Variants in NKIRAS1 observed in about 807,000 individuals in gnomAD.
NKIRAS1 encodes the protein NF-kappa-B inhibitor-interacting Ras-like protein 1.
A neutral mutation model predicts 19.8 loss-of-function variants in NKIRAS1; 16 were observed. The observed-to-expected ratio is 0.81, with a 90% CI of 0.55 to 1.23. The LOEUF (loss-of-function observed/expected upper bound fraction) is 1.23, where lower values mean the gene tolerates loss of function less well. NKIRAS1 is among the 50% of genes most tolerant of loss of function. The pLI is 0.00. For missense variants in NKIRAS1, 184 were observed against 220.0 expected (o/e 0.84, Z 1.04); for synonymous variants, 88 against 79.0 (o/e 1.11, Z -0.61).
upstream of NKIRAS1, chr3:23,917,656 G>A: frequency 1.7e-6 from 1 of 575,048 alleles, no homozygotes; most frequent in Non-Finnish European, 3.1e-6. Context: ...TCTGTGCTGG[G>A]GTTGCGGAAG....
chr3:23,938,683 T>C (rs904584157), intron 1 of NKIRAS1, among the ~76,000 whole-genome samples: 5 of 152,218 alleles, frequency 3.3e-5, no homozygotes, highest in Admixed American at 3.3e-4. Context: ...ATAAGGTCCA[T>C]GTCCCCTACC....
chr3:23,921,509 T>C, upstream of NKIRAS1: 1 of 672,760 alleles, frequency 1.5e-6, no homozygotes, highest in Non-Finnish European at 2.7e-6. Flanking sequence ...CACAAGCTGT[T>C]CCCATTTGCT....
upstream of NKIRAS1, chr3:23,919,729 T>C (rs188707069): frequency 7.4e-7 from 1 of 1,348,308 alleles, no homozygotes; most frequent in African/African-American, 1.5e-5. Context: ...GGGAGTTGTA[T>C]GTCAGTGTAT....
upstream of NKIRAS1, chr3:23,918,611 T>C (rs957483447): frequency 7.5e-6 from 12 of 1,600,640 alleles, no homozygotes; most frequent in South Asian, 1.1e-5. Context: ...TATTGAATAC[T>C]GCCTGGGGAT....
At chr3:23,919,972 C>T (rs1704981222), upstream of NKIRAS1, 4 of 988,068 alleles carry the variant, frequency 4.0e-6, no homozygotes, top group African/African-American at 1.7e-5. Context: ...TTGCCTCAGC[C>T]TCCACAGTAC....
chr3:23,907,073 T>C (rs1703136245), intron 3 of NKIRAS1, among the ~76,000 whole-genome samples: 1 of 152,054 alleles, frequency 6.6e-6, no homozygotes, highest in Non-Finnish European at 1.5e-5. Context: ...TTTATATTTT[T>C]AGTAGAGATG....
chr3:23,928,550 T>C (rs1421892658), intron 1 of NKIRAS1, among the ~76,000 whole-genome samples: 1 of 151,944 alleles, frequency 6.6e-6, no homozygotes, highest in African/African-American at 2.4e-5. Flanking sequence ...TAATTTCAGA[T>C]AATGCCATAT....
upstream of NKIRAS1, chr3:23,921,835 A>G (rs1705097972): frequency 1.8e-6 from 1 of 545,866 alleles, no homozygotes. Context: ...TTGGCCTCCC[A>G]AAGTGCTGGG....
chr3:23,940,609 A>G (rs1348764166), intron 1 of NKIRAS1, among the ~76,000 whole-genome samples: 1 of 152,232 alleles, frequency 6.6e-6, no homozygotes, highest in Non-Finnish European at 1.5e-5. Flanking sequence ...TGTTTATTTG[A>G]ATATTTTATG....
intron 1 of NKIRAS1, chr3:23,946,010 C>G: frequency 1.4e-6 from 1 of 719,220 alleles, no homozygotes; most frequent in Non-Finnish European, 1.7e-6. Flanking sequence ...CCCGGGGCCG[C>G]AGGGACACGT....
intron 4 of NKIRAS1, among the ~76,000 whole-genome samples, chr3:23,897,872 T>C (rs1702133466): frequency 6.6e-6 from 1 of 152,220 alleles, no homozygotes; most frequent in Admixed American, 6.5e-5. Flanking sequence ...ACTGTTTTGT[T>C]CTCTACCACA....
chr3:23,913,680 A>T (rs1283162660), intron 1 of NKIRAS1, among the ~76,000 whole-genome samples: 1 of 152,246 alleles, frequency 6.6e-6, no homozygotes, highest in African/African-American at 2.4e-5. Flanking sequence ...TGGTTCTTAA[A>T]GCACTTATAA....
Position 23,945,626 on chromosome 3 carries a change from G to C in NKIRAS1, c.-140+697C>G, listed in dbSNP as rs1286743417. ...ACCGGACTGCGGCGGGTGGGGGATG[G>C]CCGGAGGGAGCGCTCAGAGCCCGCG... On this transcript the variant is annotated intron_variant, in intron 1 of 4. Transcript: ENST00000421515. The C allele has an allele frequency of 5.2e-6, 6 of 1,158,670 alleles. No individual in the cohort carries two copies. In the African/African-American group the frequency reaches 6.5e-5, roughly 13 times the overall value. 71.8% of individuals were successfully genotyped at this position (1,158,670 alleles called of 1,614,324 possible).
At chr3:23,940,037 A>G (rs1705463421) in intron 1 of NKIRAS1, among the ~76,000 whole-genome samples, 1 of 152,042 alleles carries the variant, frequency 6.6e-6, no homozygotes, top group African/African-American at 2.4e-5. Context: ...TTTAAATTTA[A>G]ATTTAAAAAC....
At chr3:23,937,340 AAAAAGAAAAAAAG>A (rs1010753122) in intron 1 of NKIRAS1, among the ~76,000 whole-genome samples, 1 of 150,908 alleles carries the variant, frequency 6.6e-6, no homozygotes, top group African/African-American at 2.5e-5. Context: ...CTGGAAAAAG[AAAAAGAAAAAAAG>A]AAAAGAAAAA....
chr3:23,940,425 A>G (rs1705472744), intron 1 of NKIRAS1, among the ~76,000 whole-genome samples: 1 of 151,646 alleles, frequency 6.6e-6, no homozygotes, highest in Non-Finnish European at 1.5e-5. Context: ...GTTGGGCTGT[A>G]TTTAACTTTA....
intron 3 of NKIRAS1, among the ~76,000 whole-genome samples, chr3:23,904,667 T>A (rs926012485): frequency 1.3e-5 from 2 of 152,064 alleles, no homozygotes; most frequent in African/African-American, 4.8e-5. Context: ...CTAAAAAAGT[T>A]TCCACAGACA....
At chr3:23,914,660 G>A (rs150386434) in intron 1 of NKIRAS1, among the ~76,000 whole-genome samples, 4 of 151,988 alleles carry the variant, frequency 2.6e-5, no homozygotes, top group Admixed American at 2.0e-4. Flanking sequence ...ACAAACTAGG[G>A]GGCAAAAACA....
At chr3:23,919,841 C>T (rs1205692075), upstream of NKIRAS1, 5 of 1,026,360 alleles carry the variant, frequency 4.9e-6, no homozygotes, top group Non-Finnish European at 5.8e-6. Flanking sequence ...AAACCTGCAG[C>T]TTTATCGGAG....
Sources: gnomAD v4.1 joint callset for allele counts (sites outside exome capture counted in the v4.1 genomes callset) on GRCh38, gnomAD v4.1.1 for gene constraint, MANE v1.5 for transcripts, NCBI Gene and HGNC (gene_info 2026-07-23, HGNC 2026-07-21) for gene names.